The following FKBP1B variants were observed in gnomAD, a reference collection of about 807,000 sequenced individuals.
FKBP1B encodes the protein peptidyl-prolyl cis-trans isomerase FKBP1B.
In FKBP1B, 4 loss-of-function variants were observed where a neutral mutation model predicts 13.5. The observed-to-expected ratio is 0.30, with a 90% CI of 0.15 to 0.68. FKBP1B has a LOEUF of 0.68. FKBP1B is among the 30% of genes least tolerant of loss of function. The probability of loss-of-function intolerance (pLI) is 0.76; values close to 1 mark genes in which losing one functional copy is unlikely to be tolerated. For synonymous variants in FKBP1B, 54 were observed against 53.6 expected, an observed-to-expected ratio of 1.01 and a Z score of -0.03; for missense variants, 93 against 136.2, an observed-to-expected ratio of 0.68 and a Z score of 1.58.
In FKBP1B at chr2:24,063,457, T is replaced by A; in HGVS notation, c.*265T>A. 1 of 431,474 alleles carries A rather than the reference T, an allele frequency of 2.3e-6. No individual in the cohort carries two copies. Among genetic ancestry groups the A allele is most frequent in the South Asian group, 4.1e-5 (1 of 24,220 alleles). The allele number at this position is 431,474 out of a possible 1,614,324, so 26.7% of individuals were successfully genotyped here. A position where few individuals can be genotyped will look rare whatever the true frequency, so the allele number is the denominator to read the frequency against. On this transcript the variant is annotated 3_prime_UTR_variant, in exon 4 of 4. Coordinates refer to ENST00000380986, the MANE Select transcript of FKBP1B (RefSeq NM_004116.5). Reference sequence around the variant, plus strand: ...TGATGCATGTAGTAGCCTTTCCTGATGACAGAACACAGATCTCTTGTTCGC... The same window carrying A: ...TGATGCATGTAGTAGCCTTTCCTGAAGACAGAACACAGATCTCTTGTTCGC...
chr2:24,059,902 A>AC (rs1293775003), intron 2 of FKBP1B, among the ~76,000 whole-genome samples: 2 of 149,884 alleles, frequency 1.3e-5, no homozygotes, highest in African/African-American at 2.5e-5. Flanking sequence ...CTCAAAAAAA[A>AC]AAAAAAAAAA....
At chr2:24,036,321 C>G in the FKBP1B span, among the ~76,000 whole-genome samples, 1 of 150,664 alleles carries the variant, frequency 6.6e-6, no homozygotes, top group Non-Finnish European at 1.5e-5. Context: ...GCCTAGGCAA[C>G]ATAGCAAGAT....
chr2:24,063,205 A>C lies in FKBP1B; in HGVS notation c.*13A>C, dbSNP rs755147437. On this transcript the variant is annotated 3_prime_UTR_variant, in exon 4 of 4. Coordinates refer to ENST00000380986, the MANE Select transcript of FKBP1B (RefSeq NM_004116.5). ...CAACTTAGAGTGAAGGCAGGAAGGA[A>C]CTCAAGGTGGCTGGAGATGGCTGCT... 6.4e-7 allele frequency: 1 copy of C among 1,569,972 alleles called. No homozygotes were observed. Among genetic ancestry groups the C allele is most frequent in the Non-Finnish European group, 8.6e-7 (1 of 1,158,618 alleles).
chr2:24,061,007 A>C, intron 3 of FKBP1B, 81 bp downstream of exon 3: 2 of 1,002,824 alleles, frequency 2.0e-6, no homozygotes, highest in Admixed American at 3.9e-5. Flanking sequence ...CTCCACCTTC[A>C]CCCACTCACA....
At chr2:24,037,832 A>G in the FKBP1B span, 1 of 1,614,174 alleles carries the variant, frequency 6.2e-7, no homozygotes, top group Non-Finnish European at 8.5e-7. Flanking sequence ...GACAGCTGAT[A>G]AGTTTCCTTT....
At chr2:24,060,276 C>T (rs772434866) in intron 2 of FKBP1B, among the ~76,000 whole-genome samples, 4 of 152,158 alleles carry the variant, frequency 2.6e-5, no homozygotes, top group Non-Finnish European at 5.9e-5. Context: ...AAAGGCCAGG[C>T]ACAGTGGCTC....
chr2:24,059,372 T>TGGGG (rs71395181), intron 2 of FKBP1B, among the ~76,000 whole-genome samples: 14,541 of 139,526 alleles, frequency 0.1, 1,318 homozygotes, highest in African/African-American at 0.24. Flanking sequence ...GACCAGCACC[T>TGGGG]GGGGGGGGGT....
the FKBP1B span, among the ~76,000 whole-genome samples, chr2:24,037,058 C>T: frequency 6.6e-6 from 1 of 152,230 alleles, no homozygotes; most frequent in East Asian, 1.9e-4. Context: ...GACGGAGTCT[C>T]GCCCTGTTGC....
chr2:24,054,375 G>A (rs1439743808), intron 2 of FKBP1B: 5 of 265,568 alleles, frequency 1.9e-5, no homozygotes, highest in South Asian at 9.9e-5. Flanking sequence ...CAGAGGCTCC[G>A]ATGCCATTTG....
Position 24,049,869 on chromosome 2 carries a change from C to T in FKBP1B, c.20C>T (p.Thr7Ile), listed in dbSNP as rs1293617612. 2 of 1,425,406 alleles carry T rather than the reference C, an allele frequency of 1.4e-6. No homozygotes were observed. Among genetic ancestry groups the T allele is most frequent in the Non-Finnish European group, 1.8e-6 (2 of 1,088,080 alleles). The allele number at this position is 1,425,406 out of a possible 1,614,324, so 88.3% of individuals were successfully genotyped here. A position where few individuals can be genotyped will look rare whatever the true frequency, so the allele number is the denominator to read the frequency against. Residue 7 changes from threonine to isoleucine, a missense_variant, in exon 1 of 4, where the codon ACC becomes ATC. By Grantham distance (89) the Thr-to-Ile change is moderately conservative. Coordinates refer to ENST00000380986, the MANE Select transcript of FKBP1B (RefSeq NM_004116.5). The part of the protein sequence containing the change: MGVEIE[T>I]ISPGDGRTFP... ...ACCGCTATGGGCGTGGAGATCGAGA[C>T]CATCTCCCCCGGAGACGGTACCGGG...
At chr2:24,059,015 T>C (rs1002840804) in intron 2 of FKBP1B, among the ~76,000 whole-genome samples, 1 of 152,218 alleles carries the variant, frequency 6.6e-6, no homozygotes, top group Non-Finnish European at 1.5e-5. Context: ...GCTCCTACAC[T>C]AAGCTGGCCC....
chr2:24,042,361 C>A, the FKBP1B span, among the ~76,000 whole-genome samples: 1 of 151,866 alleles, frequency 6.6e-6, no homozygotes, highest in Non-Finnish European at 1.5e-5. Flanking sequence ...CACGGTGAAA[C>A]CCTGTCTCTA....
chr2:24,033,773 A>T, the FKBP1B span, among the ~76,000 whole-genome samples: 1 of 151,816 alleles, frequency 6.6e-6, no homozygotes, highest in Non-Finnish European at 1.5e-5. Flanking sequence ...ACAGTTGTAT[A>T]AGTTATGTGT....
chr2:24,058,762 G>C (rs1313191907), intron 2 of FKBP1B, among the ~76,000 whole-genome samples: 1 of 152,186 alleles, frequency 6.6e-6, no homozygotes, highest in Admixed American at 6.5e-5. Context: ...AAGTGCATGT[G>C]AGCATGCACA....
At chr2:24,055,917 T>G (rs1284270121) in intron 2 of FKBP1B, among the ~76,000 whole-genome samples, 1 of 152,208 alleles carries the variant, frequency 6.6e-6, no homozygotes, top group Non-Finnish European at 1.5e-5. Flanking sequence ...CAGTTTCCAC[T>G]CTAGGCAGCT....
intron 2 of FKBP1B, among the ~76,000 whole-genome samples, chr2:24,055,346 G>A (rs1255629769): frequency 6.6e-6 from 1 of 152,100 alleles, no homozygotes; most frequent in African/African-American, 2.4e-5. Flanking sequence ...GACTAGCTGG[G>A]ACCACAGACA....
chr2:24,044,048 A>G, the FKBP1B span, among the ~76,000 whole-genome samples: 2 of 152,216 alleles, frequency 1.3e-5, no homozygotes, highest in African/African-American at 4.8e-5. Context: ...TTTCTCCCTA[A>G]TATCTACTTA....
the FKBP1B span, chr2:24,038,914 C>T: frequency 1.2e-6 from 2 of 1,614,070 alleles, no homozygotes; most frequent in Non-Finnish European, 1.7e-6. Flanking sequence ...GCAGGAGGAG[C>T]ACCTGTGAAG....
chr2:24,048,105 C>T (rs1663690159), upstream of FKBP1B, among the ~76,000 whole-genome samples: 1 of 152,128 alleles, frequency 6.6e-6, no homozygotes, highest in Admixed American at 6.5e-5. Flanking sequence ...GCTTTTCTCC[C>T]CATGCCTATC....
Sources: allele counts gnomAD v4.1 joint callset (sites outside exome capture counted in the v4.1 genomes callset), GRCh38; gene constraint gnomAD v4.1.1; transcripts MANE v1.5; gene names NCBI Gene and HGNC (gene_info 2026-07-23, HGNC 2026-07-21).